Variants in WDR41 observed in about 807,000 individuals in gnomAD.
WDR41 encodes WD repeat-containing protein 41.
A neutral mutation model predicts 69.3 loss-of-function variants in WDR41; 63 were observed. The observed-to-expected ratio is 0.91, with a 90% CI of 0.74 to 1.12. The LOEUF is 1.12. WDR41 is among the 50% of genes most tolerant of loss of function. The pLI, the probability that WDR41 is intolerant of heterozygous loss-of-function variation, is 0.00. For missense variants in WDR41, 543 were observed against 534.5 expected, an observed-to-expected ratio of 1.02 and a Z score of -0.16; for synonymous variants, 185 against 192.1, an observed-to-expected ratio of 0.96 and a Z score of 0.31.
intron 1 of WDR41, among the ~76,000 whole-genome samples, chr5:77,504,708 G>A (rs1802078450): frequency 2.6e-5 from 4 of 152,182 alleles, no homozygotes; most frequent in Non-Finnish European, 2.9e-5. Context: ...TGGGATGCAA[G>A]GCTGGTTCAA....
At chr5:77,523,597 A>G (rs915640098) in intron 1 of WDR41, among the ~76,000 whole-genome samples, 1 of 151,962 alleles carries the variant, frequency 6.6e-6, no homozygotes, top group African/African-American at 2.4e-5. Context: ...TTTTTTTTCA[A>G]GTAAGCTGAG....
intron 1 of WDR41, among the ~76,000 whole-genome samples, chr5:77,612,309 T>G (rs1230745580): frequency 6.6e-6 from 1 of 152,222 alleles, no homozygotes; most frequent in Non-Finnish European, 1.5e-5. Flanking sequence ...AGCGTCATCC[T>G]GACACCCAAA....
chr5:77,585,949 G>A lies in WDR41; in HGVS notation c.42+34530C>T, dbSNP rs185938567. On this transcript the variant is annotated intron_variant, in intron 1 of 5. Transcript: ENST00000509971. ...GAACTTATATAACCAAATACCACCT[G>A]TACCCCAATAACTTATGGAAAAAAT... 1.8e-4 allele frequency among the ~76,000 whole-genome samples: 27 copies of A among 152,088 alleles called. No individual in the cohort carries two copies. The East Asian group carries it at 4.8e-3, about 27-fold the overall frequency.
At chr5:77,478,881 A>T (rs1801092026) in intron 2 of WDR41, among the ~76,000 whole-genome samples, 1 of 151,954 alleles carries the variant, frequency 6.6e-6, no homozygotes, top group African/African-American at 2.4e-5. Flanking sequence ...AGAGGAAGTC[A>T]AACTGTCCCT....
chr5:77,614,474 T>G (rs1208151854), intron 1 of WDR41, among the ~76,000 whole-genome samples: 2 of 150,228 alleles, frequency 1.3e-5, no homozygotes, highest in Admixed American at 1.3e-4. Context: ...CCATAAAAAA[T>G]GATGAGTTCA....
chr5:77,468,550 T>C (rs148733280), intron 2 of WDR41, among the ~76,000 whole-genome samples: 1 of 152,324 alleles, frequency 6.6e-6, no homozygotes, highest in Non-Finnish European at 1.5e-5. Flanking sequence ...GTCCAATAGC[T>C]AAATGCTCAT....
At chr5:77,614,401 G>A (rs896622383) in intron 1 of WDR41, among the ~76,000 whole-genome samples, 5 of 150,922 alleles carry the variant, frequency 3.3e-5, no homozygotes, top group African/African-American at 1.2e-4. Flanking sequence ...CAACCCAAAT[G>A]TCCAACAATG....
At chr5:77,500,399 GT>G (rs1349798687) in intron 1 of WDR41, among the ~76,000 whole-genome samples, 1 of 152,128 alleles carries the variant, frequency 6.6e-6, no homozygotes, top group Non-Finnish European at 1.5e-5. Flanking sequence ...AAAAGCTGGT[GT>G]TTAAAAAGAT....
At chr5:77,603,564 C>A (rs1028820006) in intron 1 of WDR41, among the ~76,000 whole-genome samples, 2 of 152,172 alleles carry the variant, frequency 1.3e-5, no homozygotes, top group Non-Finnish European at 2.9e-5. Flanking sequence ...TATGCAGAAG[C>A]TTTTCATAAT....
intron 12 of WDR41, among the ~76,000 whole-genome samples, chr5:77,434,435 G>A (rs1798859133): frequency 6.6e-6 from 1 of 152,058 alleles, no homozygotes; most frequent in South Asian, 2.1e-4. Context: ...TTCGGAAACT[G>A]GAAAACACAA....
chr5:77,443,059 G>C (rs1486136494), intron 8 of WDR41, among the ~76,000 whole-genome samples: 1 of 151,788 alleles, frequency 6.6e-6, no homozygotes, highest in Non-Finnish European at 1.5e-5. Flanking sequence ...AATGCACTTA[G>C]TCTAGAAACC....
chr5:77,550,807 A>C (rs1561222003), intron 1 of WDR41, among the ~76,000 whole-genome samples: 1 of 152,244 alleles, frequency 6.6e-6, no homozygotes. Context: ...AGCACTACTC[A>C]TAATAGCAAA....
At chr5:77,619,079 G>C (rs1310820891) in intron 1 of WDR41, among the ~76,000 whole-genome samples, 1 of 152,116 alleles carries the variant, frequency 6.6e-6, no homozygotes, top group Non-Finnish European at 1.5e-5. Context: ...AGAACTCAAA[G>C]TTCATTTGAA....
intron 1 of WDR41, chr5:77,545,742 C>T (rs1743182758): frequency 3.4e-6 from 2 of 589,468 alleles, no homozygotes; most frequent in South Asian, 2.4e-5. Flanking sequence ...GCACCAGGTT[C>T]AAGGCGTTTG....
chr5:77,437,523 T>G, intron 10 of WDR41, 99 bp from the exon 11 acceptor site: 1 of 1,016,814 alleles, frequency 9.8e-7, no homozygotes, highest in South Asian at 1.3e-5. Context: ...CAACTGCTTT[T>G]ATTCAGCTCT....
chr5:77,595,631 G>A (rs1034503318), intron 1 of WDR41, among the ~76,000 whole-genome samples: 1 of 152,218 alleles, frequency 6.6e-6, no homozygotes, highest in African/African-American at 2.4e-5. Flanking sequence ...AAGCCCAAAT[G>A]TGCAGGGTCA....
At position 77,440,952 on chromosome 5, in the gene WDR41, C is replaced by A. The variant is rs773476635; in HGVS notation, c.743G>T (p.Trp248Leu). 1.9e-6 allele frequency: 3 copies of A among 1,614,054 alleles called. No individual in the cohort carries two copies. Among genetic ancestry groups the A allele is most frequent in the Non-Finnish European group, 2.5e-6 (3 of 1,179,990 alleles). ...TGSHVGELII[W>L]DALDWTMQAY... ...CTGCATGGTCCAGTCCAGGGCATCC[C>A]AGATGATCAGCTCTCCGACGTGGGA... The change falls in exon 9 of 13, where the codon TGG (tryptophan) becomes TTG (leucine). Residue 248 changes from tryptophan (W) to leucine (L), a missense_variant. By Grantham distance (61) the Trp-to-Leu change is moderately conservative. Coordinates refer to ENST00000296679, the MANE Select transcript of WDR41 (RefSeq NM_018268.4).
chr5:77,578,483 A>G (rs1743875389), intron 1 of WDR41, among the ~76,000 whole-genome samples: 1 of 152,236 alleles, frequency 6.6e-6, no homozygotes, highest in Non-Finnish European at 1.5e-5. Context: ...CATACATCTG[A>G]TAGCAAGCAA....
intron 1 of WDR41, among the ~76,000 whole-genome samples, chr5:77,504,832 CG>C (rs1802080654): frequency 6.6e-6 from 1 of 152,138 alleles, no homozygotes; most frequent in African/African-American, 2.4e-5. Flanking sequence ...CAGCCCTTCA[CG>C]CTAAAAACTC....
Sources: allele counts gnomAD v4.1 joint callset (sites outside exome capture counted in the v4.1 genomes callset), GRCh38; gene constraint gnomAD v4.1.1; transcripts MANE v1.5; gene names NCBI Gene and HGNC (gene_info 2026-07-23, HGNC 2026-07-21).